EYS: variants seen among roughly 807,000 people sequenced by gnomAD.
EYS encodes EGF-like photoreceptor maintenance factor.
Under a neutral mutation model 282.1 loss-of-function variants are expected in EYS, and 250 were observed. The ratio of observed to expected loss-of-function variants is 0.89; its 90% CI spans 0.80 to 0.98. EYS has a LOEUF of 0.98. Ranked by LOEUF, EYS falls within the 50% of genes least tolerant of loss-of-function variation. The probability of loss-of-function intolerance (pLI) is 0.00; values close to 1 mark genes in which losing one functional copy is unlikely to be tolerated. For synonymous variants in EYS, 1,355 were observed against 1,282.9 expected, an observed-to-expected ratio of 1.06 and a Z score of -1.20; for missense variants, 4,016 against 3,709.0, an observed-to-expected ratio of 1.08 and a Z score of -2.15.
intron 12 of EYS, among the ~76,000 whole-genome samples, chr6:65,065,184 T>C (rs1012225383): frequency 1.3e-5 from 2 of 152,118 alleles, no homozygotes; most frequent in Admixed American, 1.3e-4. Context: ...TATTAAAATT[T>C]GGGGTGACAT....
chr6:64,017,656 C>A (rs975652270), intron 33 of EYS, among the ~76,000 whole-genome samples: 1 of 152,258 alleles, frequency 6.6e-6, no homozygotes, highest in East Asian at 1.9e-4. Flanking sequence ...TTAGACAAAC[C>A]ATTTTTCTTT....
intron 12 of EYS, among the ~76,000 whole-genome samples, chr6:65,078,989 C>G (rs1201480545): frequency 1.3e-5 from 2 of 151,656 alleles, no homozygotes; most frequent in Non-Finnish European, 2.9e-5. Context: ...ATGCGTCCTC[C>G]CCAGAAGCCA....
chr6:65,510,418 A>C (rs965143077), intron 2 of EYS, among the ~76,000 whole-genome samples: 1 of 152,008 alleles, frequency 6.6e-6, no homozygotes, highest in Non-Finnish European at 1.5e-5. Flanking sequence ...TCTATCATTG[A>C]TGGACATTTG....
At chr6:64,696,637 C>T (rs1465303613) in intron 22 of EYS, among the ~76,000 whole-genome samples, 4 of 152,070 alleles carry the variant, frequency 2.6e-5, no homozygotes, top group Admixed American at 6.6e-5. Flanking sequence ...AAAGAAACCC[C>T]ATCAGACTAA....
chr6:64,315,536 G>A (rs1359987442), intron 29 of EYS, among the ~76,000 whole-genome samples: 6 of 150,454 alleles, frequency 4.0e-5, no homozygotes, highest in South Asian at 2.1e-4. Context: ...CTGGCAAACC[G>A]AATCCAGCCA....
At chr6:63,859,863 T>C (rs1365707333) in intron 36 of EYS, among the ~76,000 whole-genome samples, 1 of 152,144 alleles carries the variant, frequency 6.6e-6, no homozygotes, top group Non-Finnish European at 1.5e-5. Flanking sequence ...ATGTGATAAT[T>C]ATATTTTCTA....
intron 29 of EYS, among the ~76,000 whole-genome samples, chr6:64,359,215 GATAAT>G (rs780362979): frequency 1.4e-4 from 21 of 151,716 alleles, no homozygotes; most frequent in Admixed American, 7.2e-4. Context: ...AAATAGAAAA[GATAAT>G]ATAAGATTTA....
rs188106485 is a variant in EYS, at chr6:64,937,228, A to G, written c.2381+8565T>C. The stretch of plus-strand genomic sequence containing the variant: ...AAAATACAGAAATAAAATTATTGTA[A>G]TCTTCAGTTAGACAACAATTTCTTA... On this transcript the variant is annotated intron_variant, in intron 15 of 42. Transcript: ENST00000503581. 3.3e-3 allele frequency among the ~76,000 whole-genome samples: 493 copies of G among 151,618 alleles called. 2 individuals carry two copies. The highest frequency in any genetic ancestry group is 0.011 in the African/African-American group (470 of 41,514).
At chr6:65,417,659 T>C (rs1469165917) in intron 5 of EYS, among the ~76,000 whole-genome samples, 2 of 152,088 alleles carry the variant, frequency 1.3e-5, no homozygotes, top group Non-Finnish European at 2.9e-5. Flanking sequence ...ATGATTGTTA[T>C]ATTGCTTTTC....
chr6:63,828,715 A>G (rs1262135145), intron 36 of EYS, among the ~76,000 whole-genome samples: 2 of 152,244 alleles, frequency 1.3e-5, no homozygotes, highest in African/African-American at 4.8e-5. Context: ...AATGCTCAAC[A>G]TTACTAGTGA....
chr6:64,718,005 CATT>C (rs1472927546), intron 22 of EYS, among the ~76,000 whole-genome samples: 3 of 152,148 alleles, frequency 2.0e-5, no homozygotes, highest in Non-Finnish European at 4.4e-5. Flanking sequence ...TAAGCTCAGA[CATT>C]ATGAAATGAC....
intron 1 of EYS, among the ~76,000 whole-genome samples, chr6:65,705,801 C>A (rs1027992731): frequency 2.0e-5 from 3 of 151,898 alleles, no homozygotes; most frequent in Non-Finnish European, 4.4e-5. Context: ...TTAAAAGGGC[C>A]ATTTTTAGGC....
In EYS at chr6:64,550,231, T is replaced by A. The variant is rs372072053; in HGVS notation, c.5644+39992A>T. Among the ~76,000 whole-genome samples, 67 of 152,346 alleles carry A rather than the reference T, an allele frequency of 4.4e-4. 1 individual carries two copies. The highest frequency in any genetic ancestry group is 3.3e-3 in the East Asian group (17 of 5,176). Reference sequence around the variant, plus strand: ...TGTGTCTTTATAGCAGCATGATTTATAATCCTTTGGGTATATACCCAGTAA... The same window carrying A: ...TGTGTCTTTATAGCAGCATGATTTAAAATCCTTTGGGTATATACCCAGTAA... On this transcript the variant is annotated intron_variant, in intron 26 of 42. Coordinates refer to ENST00000503581, the MANE Select transcript of EYS (RefSeq NM_001142800.2).
At chr6:65,217,243 C>T (rs896914520) in intron 12 of EYS, among the ~76,000 whole-genome samples, 8 of 152,030 alleles carry the variant, frequency 5.3e-5, no homozygotes, top group African/African-American at 1.9e-4. Context: ...TAAACAGTCA[C>T]TTAATTTCTT....
intron 35 of EYS, among the ~76,000 whole-genome samples, chr6:63,959,952 C>A (rs529184842): frequency 2.6e-5 from 4 of 151,986 alleles, no homozygotes; most frequent in African/African-American, 9.7e-5. Flanking sequence ...GTGCAGCAAA[C>A]CACCATGGCA....
At chr6:65,015,450 T>C (rs1039297205) in intron 13 of EYS, among the ~76,000 whole-genome samples, 2 of 152,178 alleles carry the variant, frequency 1.3e-5, no homozygotes, top group East Asian at 1.9e-4. Flanking sequence ...CTGGTGTGCA[T>C]TGAGGAACTG....
chr6:65,339,973 A>G (rs1241829053), intron 10 of EYS, among the ~76,000 whole-genome samples: 5 of 151,240 alleles, frequency 3.3e-5, no homozygotes, highest in African/African-American at 1.2e-4. Flanking sequence ...GTAGGCAATA[A>G]GAAACCTGTC....
Position 64,782,396 on chromosome 6 carries a change from C to T in EYS, c.3443+30982G>A, listed in dbSNP as rs150598456. Among the ~76,000 whole-genome samples the T allele has an allele frequency of 1.3e-3, 201 of 152,158 alleles. 2 individuals carry two copies. The highest frequency in any genetic ancestry group is 4.6e-3 in the African/African-American group (190 of 41,520). On this transcript the variant is annotated intron_variant, in intron 22 of 42. Transcript: ENST00000503581. ...ATTTAGGGTCATGAAGCAGGCACAA[C>T]GAAATTTTCATGAATATTAATTGAG...
intron 29 of EYS, among the ~76,000 whole-genome samples, chr6:64,368,103 G>A (rs1354833280): frequency 4.6e-5 from 7 of 151,928 alleles, no homozygotes; most frequent in Non-Finnish European, 1.0e-4. Flanking sequence ...GCCACCCTCC[G>A]CCTTCAAGTA....
Sources: gnomAD v4.1 joint callset for allele counts (sites outside exome capture counted in the v4.1 genomes callset) on GRCh38, gnomAD v4.1.1 for gene constraint, MANE v1.5 for transcripts, NCBI Gene and HGNC (gene_info 2026-07-23, HGNC 2026-07-21) for gene names.